The following NT5C2 variants were observed in gnomAD, a reference collection of about 807,000 sequenced individuals.
NT5C2 encodes 5'-nucleotidase, cytosolic II, also known as cytosolic purine 5'-nucleotidase.
In NT5C2, 58 loss-of-function variants were observed where a neutral mutation model predicts 76.1. The observed-to-expected ratio is 0.76, with a 90% CI of 0.62 to 0.95. The LOEUF (loss-of-function observed/expected upper bound fraction) is 0.95. Ranked by LOEUF, NT5C2 falls within the 40% of genes least tolerant of loss-of-function variation. The pLI, the probability that NT5C2 is intolerant of heterozygous loss-of-function variation, is 0.00. For missense variants in NT5C2, 478 were observed against 690.3 expected (o/e 0.69, Z 3.45); for synonymous variants, 229 against 237.4 (o/e 0.96, Z 0.32).
intron 3 of NT5C2, among the ~76,000 whole-genome samples, chr10:103,139,737 TTTC>T (rs1173372546): frequency 1.3e-5 from 2 of 152,226 alleles, no homozygotes; most frequent in Non-Finnish European, 2.9e-5. Context: ...CCTTGTTTTC[TTTC>T]TTCTTGTTTA....
chr10:103,138,203 A>T (rs2079657694), intron 4 of NT5C2, among the ~76,000 whole-genome samples: 1 of 152,236 alleles, frequency 6.6e-6, no homozygotes, highest in Non-Finnish European at 1.5e-5. Context: ...CATTGGGAAG[A>T]CTGGCTAAAT....
At position 103,088,978 on chromosome 10, in the gene NT5C2, A is replaced by G. The variant is rs181418830; in HGVS notation, c.*694T>C. On this transcript the variant is annotated 3_prime_UTR_variant, in exon 19 of 19. Transcript: ENST00000404739. ...TTTCTATAGATTTATCACAGATAAG[A>G]AGGAGGTTGTTTTTGGATAACAAAT... The G allele has an allele frequency of 2.8e-4, 58 of 209,480 alleles. No homozygotes were observed. The highest frequency in any genetic ancestry group is 1.5e-3 in the Middle Eastern group (1 of 664). 13.0% of individuals were successfully genotyped at this position (209,480 alleles called of 1,614,324 possible).
rs1481349833 is a variant in NT5C2 at position 103,150,802 on chromosome 10, GGCTGT to G, written c.102-11328_102-11324del. ...AAATATTTTGCCCGTTTTTAAACTG[GGCTGT>G]CTTATTATTGAATTACAAGAGTTCT... On this transcript the variant is annotated intron_variant, in intron 3 of 18. Coordinates refer to ENST00000404739, the MANE Select transcript of NT5C2 (RefSeq NM_001351169.2). Among the ~76,000 whole-genome samples, 18 of 152,008 alleles carry G rather than the reference GGCTGT, an allele frequency of 1.2e-4. 1 individual carries two copies. Among genetic ancestry groups the G allele is most frequent in the Non-Finnish European group, 2.6e-4 (18 of 67,980 alleles).
rs188772662 is a variant in NT5C2 at position 103,146,217 on chromosome 10, C to A, written c.102-6738G>T. On this transcript the variant is annotated intron_variant, in intron 3 of 18. Transcript: ENST00000404739. ...TTCCGAGACAGTGCTGGAGAAAACACCTCTGTGTTTAATTTAACTTGTCAT... is the reference window on the plus strand; with the variant it reads ...TTCCGAGACAGTGCTGGAGAAAACAACTCTGTGTTTAATTTAACTTGTCAT... 5.9e-5 allele frequency: 58 copies of A among 985,354 alleles called. No homozygotes were observed. In the African/African-American group the frequency reaches 8.9e-4, roughly 15 times the overall value. The allele number at this position is 985,354 out of a possible 1,614,324, so 61.0% of individuals were successfully genotyped here.
chr10:103,108,511 A>G (rs944346439), intron 4 of NT5C2, among the ~76,000 whole-genome samples: 8 of 152,202 alleles, frequency 5.3e-5, no homozygotes, highest in African/African-American at 1.9e-4. Context: ...ATCCTTTAGA[A>G]TATTTCTGGA....
chr10:103,186,593 G>A (rs1374533630), intron 1 of NT5C2, among the ~76,000 whole-genome samples: 1 of 152,174 alleles, frequency 6.6e-6, no homozygotes, highest in African/African-American at 2.4e-5. Context: ...TACTTCAAAA[G>A]TAAACGAGTA....
rs10883831 is a variant in NT5C2, at chr10:103,097,477, C to A, written c.688-103G>T. 114,289 of 930,624 alleles carry A rather than the reference C, an allele frequency of 0.12. 8,202 individuals carry two copies. The highest frequency in any genetic ancestry group is 0.14 in the Non-Finnish European group (83,602 of 579,996). The allele number at this position is 930,624 out of a possible 1,614,324, so 57.6% of individuals were successfully genotyped here. ...TCTGTCCACAACAGGAATGGGGGAACCTTTTAAGGGTTAGCTGATTTCAGA... is the reference window on the plus strand; with the variant it reads ...TCTGTCCACAACAGGAATGGGGGAAACTTTTAAGGGTTAGCTGATTTCAGA... On this transcript the variant is annotated intron_variant, in intron 10 of 18. Coordinates refer to ENST00000404739, the MANE Select transcript of NT5C2 (RefSeq NM_001351169.2).
Position 103,089,914 on chromosome 10 carries a change from C to G in NT5C2, c.1450-6G>C, listed in dbSNP as rs1463280824. 1.1e-5 allele frequency: 17 copies of G among 1,575,074 alleles called. No homozygotes were observed. The highest frequency in any genetic ancestry group is 1.2e-5 in the Non-Finnish European group (14 of 1,159,890). On this transcript the variant is annotated splice_region_variant and splice_polypyrimidine_tract_variant and intron_variant, in intron 18 of 18. Coordinates refer to ENST00000404739, the MANE Select transcript of NT5C2 (RefSeq NM_001351169.2). ...ACCGTTGATTCATGAGGCATCTAGACAGAAAAAAGCTAGAGGCTCAGAAAG... is the reference window on the plus strand; with the variant it reads ...ACCGTTGATTCATGAGGCATCTAGAGAGAAAAAAGCTAGAGGCTCAGAAAG...
At chr10:103,103,614 G>C (rs2070380787) in intron 6 of NT5C2, among the ~76,000 whole-genome samples, 1 of 152,046 alleles carries the variant, frequency 6.6e-6, no homozygotes, top group Non-Finnish European at 1.5e-5. Context: ...TTTGGGGGAG[G>C]TAATATATCA....
At chr10:103,161,132 T>C (rs78462473) in intron 3 of NT5C2, among the ~76,000 whole-genome samples, 1,549 of 152,312 alleles carry the variant, frequency 0.01, 21 homozygotes, top group African/African-American at 0.035. Context: ...GCAACCCAAA[T>C]GTTAAGCAAC....
intron 3 of NT5C2, among the ~76,000 whole-genome samples, chr10:103,146,911 A>AT (rs749301639): frequency 4.6e-5 from 7 of 152,224 alleles, no homozygotes; most frequent in Non-Finnish European, 1.0e-4. Context: ...CCAATGCTGG[A>AT]TTATGAACAT....
chr10:103,100,098 C>T, intron 8 of NT5C2, 79 bp from the exon 9 acceptor site: 1 of 871,950 alleles, frequency 1.1e-6, no homozygotes, highest in Non-Finnish European at 1.9e-6. Context: ...TCCCAGGGGA[C>T]CCAAAGGTTC....
chr10:103,100,052 T>G, intron 8 of NT5C2, 33 bp from the exon 9 acceptor site: 2 of 1,430,316 alleles, frequency 1.4e-6, no homozygotes, highest in Non-Finnish European at 2.0e-6. Context: ...TGACAGGGGA[T>G]CCAAAACAGG....
At chr10:103,165,910 T>A (rs988964102) in intron 3 of NT5C2, among the ~76,000 whole-genome samples, 2 of 152,230 alleles carry the variant, frequency 1.3e-5, no homozygotes, top group Non-Finnish European at 2.9e-5. Context: ...CCTCAGGTGA[T>A]CCGCCTGGCT....
At chr10:103,145,253 G>A (rs2081274771) in intron 3 of NT5C2, among the ~76,000 whole-genome samples, 1 of 152,144 alleles carries the variant, frequency 6.6e-6, no homozygotes, top group Admixed American at 6.5e-5. Flanking sequence ...CAGCCTTAAA[G>A]CATGAAATAC....
At chr10:103,128,936 G>T (rs1363760849) in intron 4 of NT5C2, among the ~76,000 whole-genome samples, 1 of 105,102 alleles carries the variant, frequency 9.5e-6, no homozygotes, top group Non-Finnish European at 2.1e-5. Context: ...GAAGTGAGGA[G>T]CATCTCCGCC....
At position 103,181,202 on chromosome 10, in the gene NT5C2, G is replaced by A. The variant is rs1268584515; in HGVS notation, c.-42C>T. On this transcript the variant is annotated 5_prime_UTR_variant, in exon 2 of 19. Transcript: ENST00000404739. ...TTGTATACCAATTATGCCACAATAA[G>A]ACTTTTTCAGCCAGTGGCAGTGGCT... 1 of 151,848 alleles carries A rather than the reference G, an allele frequency of 6.6e-6. No individual in the cohort carries two copies. Among genetic ancestry groups the A allele is most frequent in the Non-Finnish European group, 1.5e-5 (1 of 68,008 alleles). The allele number at this position is 151,848 out of a possible 1,614,324, so 9.4% of individuals were successfully genotyped here. A position where few individuals can be genotyped will look rare whatever the true frequency, so the allele number is the denominator to read the frequency against.
intron 4 of NT5C2, among the ~76,000 whole-genome samples, chr10:103,109,401 C>G (rs893946688): frequency 6.6e-6 from 1 of 152,168 alleles, no homozygotes; most frequent in African/African-American, 2.4e-5. Context: ...TCACCTTACC[C>G]TCCTCAATGC....
At chr10:103,109,971 T>A (rs184724210) in intron 4 of NT5C2, among the ~76,000 whole-genome samples, 119 of 152,368 alleles carry the variant, frequency 7.8e-4, no homozygotes, top group African/African-American at 2.8e-3. Context: ...TCAACCGAAG[T>A]GACTTTCTAG....
Sources: allele counts gnomAD v4.1 joint callset (sites outside exome capture counted in the v4.1 genomes callset), GRCh38; gene constraint gnomAD v4.1.1; transcripts MANE v1.5; gene names NCBI Gene and HGNC (gene_info 2026-07-23, HGNC 2026-07-21).